The following KAZN variants were observed in gnomAD, a reference collection of about 807,000 sequenced individuals.
KAZN encodes kazrin.
Under a neutral mutation model 87.4 loss-of-function variants are expected in KAZN, and 40 were observed. That is an observed-to-expected ratio of 0.46 (90% CI 0.36 to 0.60). The LOEUF (loss-of-function observed/expected upper bound fraction) is 0.60, where lower values mean the gene tolerates loss of function less well. Ranked by LOEUF, KAZN falls within the 20% of genes least tolerant of loss-of-function variation. The pLI is 0.00. For synonymous variants in KAZN, 466 were observed against 458.3 expected, an observed-to-expected ratio of 1.02 and a Z score of -0.22; for missense variants, 898 against 1,073.9, an observed-to-expected ratio of 0.84 and a Z score of 2.29.
In KAZN at chr1:14,074,109, A is replaced by G. The variant is rs181535371; in HGVS notation, c.92-106326A>G. ...TAGTACAAAGGAAGGCCCACACACT[A>G]TATGTCTAAATATGTGAGAATTACC... On this transcript the variant is annotated intron_variant, in intron 1 of 16. Transcript: ENST00000636203. Among the ~76,000 whole-genome samples the G allele has an allele frequency of 2.8e-3, 426 of 152,230 alleles. 5 individuals carry two copies. The highest frequency in any genetic ancestry group is 9.9e-3 in the African/African-American group (412 of 41,540).
chr1:14,617,737 C>A (rs546764387), intron 1 of KAZN, among the ~76,000 whole-genome samples: 2 of 152,278 alleles, frequency 1.3e-5, no homozygotes, highest in South Asian at 4.1e-4. Flanking sequence ...TGAAGAGTGA[C>A]CTTTCTTGGG....
chr1:14,106,026 A>G (rs1644366787), intron 1 of KAZN, among the ~76,000 whole-genome samples: 1 of 152,224 alleles, frequency 6.6e-6, no homozygotes, highest in Admixed American at 6.5e-5. Context: ...AGGCAACATA[A>G]TATTTTGGAG....
chr1:14,400,821 C>A (rs1038925189), intron 2 of KAZN, among the ~76,000 whole-genome samples: 3 of 152,114 alleles, frequency 2.0e-5, no homozygotes, highest in African/African-American at 7.2e-5. Context: ...GACTAGATCA[C>A]AAGAATTAGC....
intron 1 of KAZN, among the ~76,000 whole-genome samples, chr1:13,971,074 C>T (rs1048464247): frequency 1.3e-5 from 2 of 152,146 alleles, no homozygotes; most frequent in African/African-American, 4.8e-5. Flanking sequence ...TTCTTCTGCT[C>T]TGTGCTAGAC....
chr1:14,492,725 A>AT, intron 2 of KAZN, among the ~76,000 whole-genome samples: 1 of 145,114 alleles, frequency 6.9e-6, no homozygotes, highest in African/African-American at 2.6e-5. Context: ...CACACCACAC[A>AT]CACCACATAC....
At chr1:14,083,843 C>T (rs1314475438) in intron 1 of KAZN, among the ~76,000 whole-genome samples, 1 of 152,188 alleles carries the variant, frequency 6.6e-6, no homozygotes, top group Non-Finnish European at 1.5e-5. Context: ...ATTACTTTAT[C>T]CTCATGAAAT....
At chr1:15,106,441 C>T (rs539815430) in intron 13 of KAZN, among the ~76,000 whole-genome samples, 6 of 152,304 alleles carry the variant, frequency 3.9e-5, no homozygotes, top group African/African-American at 1.4e-4. Context: ...AGAGATGGCT[C>T]TAGCTGAATA....
At chr1:14,729,503 T>G (rs1315651670) in intron 1 of KAZN, among the ~76,000 whole-genome samples, 1 of 152,192 alleles carries the variant, frequency 6.6e-6, no homozygotes, top group Non-Finnish European at 1.5e-5. Flanking sequence ...CATAGAGTAA[T>G]GCCCTTCGCT....
intron 1 of KAZN, among the ~76,000 whole-genome samples, chr1:14,172,694 C>A (rs1645980923): frequency 6.6e-6 from 1 of 152,232 alleles, no homozygotes; most frequent in Non-Finnish European, 1.5e-5. Flanking sequence ...GTGGCTGTGG[C>A]CTCATCTGGG....
At chr1:14,910,937 G>A (rs1179657195) in intron 1 of KAZN, among the ~76,000 whole-genome samples, 1 of 152,172 alleles carries the variant, frequency 6.6e-6, no homozygotes, top group African/African-American at 2.4e-5. Context: ...GCCAAATGTG[G>A]GCTACTGGCT....
intron 2 of KAZN, among the ~76,000 whole-genome samples, chr1:14,354,645 GACACACACACACACACACACAC>G (rs71570202): frequency 3.5e-5 from 5 of 141,376 alleles, no homozygotes; most frequent in Admixed American, 2.9e-4. Context: ...AGCTAAATTA[GACACACACACACACACACACAC>G]ACACACACAC....
At chr1:14,927,095 C>G (rs1572848587) in intron 1 of KAZN, among the ~76,000 whole-genome samples, 1 of 152,166 alleles carries the variant, frequency 6.6e-6, no homozygotes, top group East Asian at 1.9e-4. Flanking sequence ...CTGCTTCTGC[C>G]TCGATTGCGT....
intron 13 of KAZN, among the ~76,000 whole-genome samples, chr1:15,107,823 C>G (rs1167243388): frequency 6.6e-6 from 1 of 152,182 alleles, no homozygotes; most frequent in Non-Finnish European, 1.5e-5. Flanking sequence ...TTAGGTTTTA[C>G]TCTCTGAGCC....
intron 1 of KAZN, among the ~76,000 whole-genome samples, chr1:14,736,304 T>TATA (rs201679446): frequency 1.1e-4 from 15 of 134,484 alleles, no homozygotes; most frequent in South Asian, 4.6e-4. Flanking sequence ...TGTGTGTATA[T>TATA]TTTTTTTTTT....
At chr1:14,162,919 A>C (rs1645742080) in intron 1 of KAZN, among the ~76,000 whole-genome samples, 1 of 151,778 alleles carries the variant, frequency 6.6e-6, no homozygotes, top group Non-Finnish European at 1.5e-5. Flanking sequence ...TCCTAATTTT[A>C]GTCCTGTTTG....
intron 1 of KAZN, among the ~76,000 whole-genome samples, chr1:14,957,624 C>A (rs1663291894): frequency 6.6e-6 from 1 of 152,154 alleles, no homozygotes; most frequent in Non-Finnish European, 1.5e-5. Context: ...CGTTTTAGGT[C>A]TCTTGAGGCT....
intron 1 of KAZN, among the ~76,000 whole-genome samples, chr1:14,166,906 T>C (rs1262134967): frequency 4.6e-5 from 7 of 152,120 alleles, no homozygotes; most frequent in Non-Finnish European, 8.8e-5. Flanking sequence ...ATGAGTGAGG[T>C]TTTAGCTTTT....
Position 14,513,904 on chromosome 1 carries a change from TA to T in KAZN, c.250-85069del, listed in dbSNP as rs200786540. ...CATTCTTAGAGGTGTCTTTAATTTC[TA>T]AAAAAAAAATTTCTGAGATTCAATA... is the stretch of plus-strand genomic sequence containing the variant. On this transcript the variant is annotated intron_variant, in intron 2 of 16. Coordinates refer to the KAZN transcript ENST00000636203. Among the ~76,000 whole-genome samples the T allele has an allele frequency of 8.7e-5, 13 of 149,998 alleles. No homozygotes were observed. The South Asian group carries it at 1.1e-3, about 12-fold the overall frequency.
At chr1:14,780,748 A>T (rs1371536516) in intron 1 of KAZN, among the ~76,000 whole-genome samples, 1 of 152,240 alleles carries the variant, frequency 6.6e-6, no homozygotes, top group Non-Finnish European at 1.5e-5. Context: ...ACAGGTGATG[A>T]TCGTGTATGA....
Sources: gnomAD v4.1 joint callset for allele counts (sites outside exome capture counted in the v4.1 genomes callset) on GRCh38, gnomAD v4.1.1 for gene constraint, MANE v1.5 for transcripts, NCBI Gene and HGNC (gene_info 2026-07-23, HGNC 2026-07-21) for gene names.